Variants in LPA observed in about 807,000 individuals in gnomAD.
LPA encodes the protein apolipoprotein(a).
LPA carries 199 observed loss-of-function variants against 197.9 expected under a neutral mutation model. That is an observed-to-expected ratio of 1.01 (90% confidence interval 0.90 to 1.13). The LOEUF (loss-of-function observed/expected upper bound fraction) is 1.13, where lower values mean the gene tolerates loss of function less well. Ranked by LOEUF, LPA falls within the 50% of genes most tolerant of loss-of-function variation. LPA has a pLI of 0.00. For synonymous variants in LPA, 715 were observed against 639.5 expected, an observed-to-expected ratio of 1.12 and a Z score of -1.78; for missense variants, 1,853 against 1,785.8, an observed-to-expected ratio of 1.04 and a Z score of -0.68.
intron 28 of LPA, among the ~76,000 whole-genome samples, chr6:160,576,365 T>TAC (rs1336145613): frequency 2.9e-5 from 1 of 34,716 alleles, no homozygotes; most frequent in Non-Finnish European, 4.9e-5. Flanking sequence ...TATATATATA[T>TAC]ACATATATAT....
intron 28 of LPA, among the ~76,000 whole-genome samples, chr6:160,572,004 G>A (rs2115025284): frequency 6.6e-6 from 1 of 152,338 alleles, no homozygotes. Flanking sequence ...CCCTGGTGGT[G>A]TAGGCACCCA....
intron 28 of LPA, 136 bp from the exon 29 acceptor site, chr6:160,557,707 C>T (rs1430261756): frequency 5.8e-6 from 4 of 689,782 alleles, no homozygotes; most frequent in Middle Eastern, 2.6e-4. Context: ...AATAATATTC[C>T]GAAAAGCAAA....
At chr6:160,573,781 A>G (rs1778605448) in intron 28 of LPA, among the ~76,000 whole-genome samples, 1 of 152,144 alleles carries the variant, frequency 6.6e-6, no homozygotes, top group South Asian at 2.1e-4. Flanking sequence ...TGAACCATCT[A>G]TGGGTCTCTC....
rs113798069 is a variant in LPA at position 160,653,966 on chromosome 6, T to A, written c.50-3469A>T. On this transcript the variant is annotated intron_variant, in intron 1 of 38. Transcript: ENST00000316300. ...TTATATATATTATATATAATATATA[T>A]TATATATAATATATAATATATAATA... Among the ~76,000 whole-genome samples, 185 of 28,124 alleles carry A rather than the reference T, an allele frequency of 6.6e-3. 7 individuals carry two copies. The highest frequency in any genetic ancestry group is 0.027 in the African/African-American group (173 of 6,394). The allele number at this position is 28,124 out of a possible 152,430, so 18.5% of individuals were successfully genotyped here. A position where few individuals can be genotyped will look rare whatever the true frequency, so the allele number is the denominator to read the frequency against.
chr6:160,608,292 T>A (rs577716915), intron 16 of LPA, among the ~76,000 whole-genome samples: 1 of 152,272 alleles, frequency 6.6e-6, no homozygotes, highest in East Asian at 1.9e-4. Flanking sequence ...GGTTTCTTTG[T>A]TTGGGGCAGT....
At position 160,605,042 on chromosome 6, in the gene LPA, A is replaced by G; in HGVS notation, c.2945+4T>C. On this transcript the variant is annotated splice_donor_region_variant and intron_variant, in intron 18 of 38. Coordinates refer to ENST00000316300, the MANE Select transcript of LPA (RefSeq NM_005577.4). ...TTCACTTATGGTAAAGAAAATAGAC[A>G]TACGCATTTGGGTAGTATGCTGGGG... The G allele has an allele frequency of 6.2e-7, 1 of 1,613,608 alleles. No homozygotes were observed. The highest frequency in any genetic ancestry group is 8.5e-7 in the Non-Finnish European group (1 of 1,179,740).
At chr6:160,578,774 A>G in intron 26 of LPA, 70 bp from the exon 27 acceptor site, 2 of 1,609,204 alleles carry the variant, frequency 1.2e-6, no homozygotes, top group East Asian at 4.5e-5. Context: ...CGCCCTCTAC[A>G]TTTTGCTGTA....
intron 24 of LPA, among the ~76,000 whole-genome samples, chr6:160,589,023 C>A (rs1227398589): frequency 2.0e-5 from 3 of 152,228 alleles, no homozygotes; most frequent in Non-Finnish European, 2.9e-5. Context: ...AGCTGCCTTC[C>A]TCCTTTTGCC....
intron 37 of LPA, among the ~76,000 whole-genome samples, chr6:160,534,947 G>GTGATGGTGGTGATGGTGATGA (rs1777862725): frequency 6.6e-6 from 1 of 151,118 alleles, no homozygotes; most frequent in African/African-American, 2.4e-5. Context: ...GATGGTGATG[G>GTGATGGTGGTGATGGTGATGA]TGATGGTGGT....
At chr6:160,580,648 G>T (rs941401093) in intron 26 of LPA, among the ~76,000 whole-genome samples, 1 of 152,148 alleles carries the variant, frequency 6.6e-6, no homozygotes, top group Non-Finnish European at 1.5e-5. Context: ...TATAACTCTT[G>T]ATTTTTGATG....
rs183483042 is a variant in LPA, at chr6:160,581,885, G to A, written c.4289+3161C>T. Among the ~76,000 whole-genome samples the A allele has an allele frequency of 3.2e-4, 48 of 152,150 alleles. 1 individual carries two copies. Among genetic ancestry groups the A allele is most frequent in the Admixed American group, 1.4e-3 (22 of 15,284 alleles). ...CTAATTTTCTTCTCACCAATGTTAT[G>A]TAGTATACATGGTATAGTTCTTTTG... On this transcript the variant is annotated intron_variant, in intron 26 of 38. Coordinates refer to ENST00000316300, the MANE Select transcript of LPA (RefSeq NM_005577.4).
At chr6:160,655,603 C>T (rs754287725) in intron 1 of LPA, among the ~76,000 whole-genome samples, 2 of 152,194 alleles carry the variant, frequency 1.3e-5, no homozygotes, top group South Asian at 2.1e-4. Flanking sequence ...AGGGGCCAAA[C>T]GCAGCAAGTT....
chr6:160,590,669 G>A (rs1183164237), intron 23 of LPA, among the ~76,000 whole-genome samples: 1 of 152,080 alleles, frequency 6.6e-6, no homozygotes, highest in Non-Finnish European at 1.5e-5. Flanking sequence ...TTTTCACTAG[G>A]ACACTGAAAT....
chr6:160,647,218 A>AGTG (rs1779906379), intron 2 of LPA, among the ~76,000 whole-genome samples: 2 of 152,196 alleles, frequency 1.3e-5, no homozygotes, highest in South Asian at 2.1e-4. Flanking sequence ...GATGGCAGGA[A>AGTG]GACTAAGAGA....
chr6:160,601,257 C>T (rs896261625), intron 18 of LPA, among the ~76,000 whole-genome samples, 159 bp from the exon 19 acceptor site: 1 of 152,160 alleles, frequency 6.6e-6, no homozygotes, highest in African/African-American at 2.4e-5. Flanking sequence ...ATCTCTAATC[C>T]TCTCTGCACA....
intron 1 of LPA, among the ~76,000 whole-genome samples, chr6:160,653,097 T>C (rs1780034598): frequency 6.6e-6 from 1 of 152,096 alleles, no homozygotes; most frequent in African/African-American, 2.4e-5. Context: ...GAGAAAAAGA[T>C]ATACAAATAC....
intron 30 of LPA, among the ~76,000 whole-genome samples, chr6:160,549,213 A>G (rs945748064): frequency 6.6e-6 from 1 of 152,182 alleles, no homozygotes; most frequent in African/African-American, 2.4e-5. Flanking sequence ...CATGGGGATT[A>G]TCAGGATTAT....
chr6:160,589,601 G>C lies in LPA; in HGVS notation c.3899C>G (p.Ser1300Cys). 2 of 1,613,932 alleles carry C rather than the reference G, an allele frequency of 1.2e-6. No homozygotes were observed. The highest frequency in any genetic ancestry group is 1.7e-5 in the Admixed American group (1 of 60,008). Residue 1300 changes from serine (S) to cysteine (C), a missense_variant, in exon 24 of 39, where the codon TCT (serine) becomes TGT (cysteine). By Grantham distance (112) the Ser-to-Cys change is moderately radical (BLOSUM62 -1). Transcript: ENST00000316300. ...VTGRTCQSWS[S>C]MTPHWHQRTT... ...TCTCTGATGCCAGTGTGGTGTCATA[G>C]AGGACCAAGACTGACATGTCCTTCC... is the stretch of plus-strand genomic sequence containing the variant.
At chr6:160,556,675 A>G (rs910208417) in intron 29 of LPA, among the ~76,000 whole-genome samples, 3 of 152,126 alleles carry the variant, frequency 2.0e-5, no homozygotes, top group Non-Finnish European at 4.4e-5. Flanking sequence ...GCAAAGACAC[A>G]TTGCTTCTTA....
Sources: allele counts gnomAD v4.1 joint callset (sites outside exome capture counted in the v4.1 genomes callset), GRCh38; gene constraint gnomAD v4.1.1; transcripts MANE v1.5; gene names NCBI Gene and HGNC (gene_info 2026-07-23, HGNC 2026-07-21).